The following GPHN variants were observed in gnomAD, a reference collection of about 807,000 sequenced individuals.
GPHN encodes the protein gephyrin.
A neutral mutation model predicts 95.5 loss-of-function variants in GPHN; 17 were observed. That is an observed-to-expected ratio of 0.18 (90% CI 0.12 to 0.27). The LOEUF (loss-of-function observed/expected upper bound fraction) is 0.27, where lower values mean the gene tolerates loss of function less well. Among genes scored for constraint, GPHN ranks in the 10% least tolerant of loss-of-function variants. The probability of loss-of-function intolerance (pLI) is 1.00; values close to 1 mark genes in which losing one functional copy is unlikely to be tolerated. For missense variants in GPHN, 660 were observed against 978.1 expected, an observed-to-expected ratio of 0.67 and a Z score of 4.34; for synonymous variants, 320 against 322.5, an observed-to-expected ratio of 0.99 and a Z score of 0.08.
At chr14:67,476,269 C>A in the GPHN span, among the ~76,000 whole-genome samples, 2 of 152,162 alleles carry the variant, frequency 1.3e-5, no homozygotes, top group Non-Finnish European at 2.9e-5. Context: ...GCACTTCGTT[C>A]GCATTTTGTC....
intron 8 of GPHN, among the ~76,000 whole-genome samples, chr14:66,951,880 CCCT>C (rs2068131819): frequency 6.6e-6 from 1 of 151,956 alleles, no homozygotes; most frequent in African/African-American, 2.4e-5. Context: ...AAATTGGACC[CCCT>C]ATCTCACAGT....
At chr14:67,392,435 G>A in the GPHN span, 49 of 1,596,462 alleles carry the variant, frequency 3.1e-5, 1 homozygote, top group South Asian at 5.1e-4. Flanking sequence ...AGCCTAGGGG[G>A]AAGGAGGGAG....
the GPHN span, among the ~76,000 whole-genome samples, chr14:67,216,322 A>G: frequency 6.6e-6 from 1 of 151,962 alleles, no homozygotes; most frequent in African/African-American, 2.4e-5. Flanking sequence ...TGGTTTTGGT[A>G]TCAGGGCAAT....
At chr14:67,004,768 G>A (rs7159871) in intron 9 of GPHN, among the ~76,000 whole-genome samples, 42,161 of 151,572 alleles carry the variant, frequency 0.28, 10,220 homozygotes, top group African/African-American at 0.63. Flanking sequence ...TTAAAATGCC[G>A]TAATACCTCT....
the GPHN span, among the ~76,000 whole-genome samples, chr14:67,450,645 T>A: frequency 6.6e-6 from 1 of 152,206 alleles, no homozygotes; most frequent in Admixed American, 6.5e-5. Flanking sequence ...ATTTAGGACA[T>A]CTGGTGGAAG....
At chr14:66,854,845 C>CTTT (rs139745978) in intron 4 of GPHN, among the ~76,000 whole-genome samples, 3 of 140,848 alleles carry the variant, frequency 2.1e-5, no homozygotes, top group Non-Finnish European at 3.1e-5. Context: ...CTATTTTAGC[C>CTTT]TTTTTTTTTT....
chr14:66,522,784 T>G (rs2058533633), intron 1 of GPHN, among the ~76,000 whole-genome samples: 1 of 141,836 alleles, frequency 7.1e-6, no homozygotes, highest in Non-Finnish European at 1.5e-5. Flanking sequence ...AATCACCACC[T>G]CTTTTTTTGT....
the GPHN span, among the ~76,000 whole-genome samples, chr14:67,201,990 C>T: frequency 6.6e-6 from 1 of 152,108 alleles, no homozygotes; most frequent in Admixed American, 6.6e-5. Flanking sequence ...CCTCTCAACC[C>T]AGCCAGTTTA....
At chr14:66,761,141 C>A (rs2058738997) in intron 2 of GPHN, 2 of 339,404 alleles carry the variant, frequency 5.9e-6, no homozygotes, top group African/African-American at 4.3e-5. Context: ...ATATATCTTT[C>A]CTACATTTCC....
intron 18 of GPHN, among the ~76,000 whole-genome samples, chr14:67,156,212 A>G (rs557934644): frequency 3.3e-5 from 5 of 152,312 alleles, no homozygotes; most frequent in African/African-American, 9.6e-5. Flanking sequence ...GGCTTAAAAT[A>G]TGAATACTAT....
intron 1 of GPHN, among the ~76,000 whole-genome samples, chr14:66,625,082 T>TC (rs1474505251): frequency 5.9e-5 from 9 of 152,126 alleles, no homozygotes; most frequent in African/African-American, 1.9e-4. Context: ...TGTCTTTTTT[T>TC]TTCTTCTTCT....
intron 10 of GPHN, among the ~76,000 whole-genome samples, chr14:67,056,105 C>T (rs369456018): frequency 1.1e-3 from 167 of 152,354 alleles, no homozygotes; most frequent in Non-Finnish European, 1.8e-3. Flanking sequence ...GAGGGGGACC[C>T]CAGCAGGTTG....
intron 9 of GPHN, among the ~76,000 whole-genome samples, chr14:66,984,379 A>C (rs1594728498): frequency 6.6e-6 from 1 of 152,174 alleles, no homozygotes. Flanking sequence ...TCTAAATTTG[A>C]CAATTCTGTT....
chr14:67,587,152 G>A, the GPHN span: 132 of 1,613,762 alleles, frequency 8.2e-5, no homozygotes, highest in Middle Eastern at 3.3e-4. Context: ...CAACCCACCC[G>A]GAGCCTGCCA....
the GPHN span, among the ~76,000 whole-genome samples, chr14:67,412,554 G>A: frequency 6.6e-6 from 1 of 152,222 alleles, no homozygotes; most frequent in Non-Finnish European, 1.5e-5. Context: ...GGCCTCTGAT[G>A]GGGGCAGAGA....
At chr14:67,091,467 A>G (rs2077144128) in intron 12 of GPHN, among the ~76,000 whole-genome samples, 1 of 151,774 alleles carries the variant, frequency 6.6e-6, no homozygotes, top group Non-Finnish European at 1.5e-5. Context: ...TGATCTTACA[A>G]TTTGTAGCCA....
chr14:67,310,357 A>C, the GPHN span, among the ~76,000 whole-genome samples: 1 of 152,184 alleles, frequency 6.6e-6, no homozygotes, highest in Non-Finnish European at 1.5e-5. Context: ...TATTTGGTAC[A>C]AGATTATATA....
intron 8 of GPHN, among the ~76,000 whole-genome samples, chr14:66,952,115 A>G (rs1010553588): frequency 6.6e-6 from 1 of 152,194 alleles, no homozygotes; most frequent in Admixed American, 6.5e-5. Flanking sequence ...AGTGTTGTAC[A>G]ACTATTTTAT....
chr14:66,673,305 G>A (rs2066407564), intron 1 of GPHN, among the ~76,000 whole-genome samples: 2 of 151,998 alleles, frequency 1.3e-5, no homozygotes, highest in South Asian at 4.2e-4. Context: ...TGTTAACCAG[G>A]ATGGTCTTGA....
Sources: allele counts gnomAD v4.1 joint callset (sites outside exome capture counted in the v4.1 genomes callset), GRCh38; gene constraint gnomAD v4.1.1; transcripts MANE v1.5; gene names NCBI Gene and HGNC (gene_info 2026-07-23, HGNC 2026-07-21).